MAGI1: variants seen among roughly 807,000 people sequenced by gnomAD.
MAGI1 encodes membrane associated guanylate kinase, WW and PDZ domain containing 1.
Under a neutral mutation model 139.9 loss-of-function variants are expected in MAGI1, and 58 were observed. That is an observed-to-expected ratio of 0.41 (90% CI 0.34 to 0.52). MAGI1 has a LOEUF of 0.52. Ranked by LOEUF, MAGI1 falls within the 20% of genes least tolerant of loss-of-function variation. The pLI, the probability that MAGI1 is intolerant of heterozygous loss-of-function variation, is 0.12. For missense variants in MAGI1, 1,874 were observed against 1,901.6 expected (o/e 0.99, Z 0.27); for synonymous variants, 812 against 737.9 (o/e 1.10, Z -1.63).
intron 1 of MAGI1, among the ~76,000 whole-genome samples, chr3:65,662,108 T>C (rs1168086293): frequency 6.8e-6 from 1 of 148,044 alleles, no homozygotes; most frequent in Non-Finnish European, 1.5e-5. Context: ...CCAAGAACTT[T>C]CACAAGTTCA....
intron 1 of MAGI1, among the ~76,000 whole-genome samples, chr3:66,013,182 T>C (rs578037343): frequency 6.6e-6 from 1 of 151,994 alleles, no homozygotes. Flanking sequence ...GGCGGGTGGA[T>C]TACCTGAGGT....
chr3:65,830,207 C>T (rs1033834179), intron 1 of MAGI1, among the ~76,000 whole-genome samples: 23 of 152,026 alleles, frequency 1.5e-4, no homozygotes, highest in African/African-American at 5.6e-4. Flanking sequence ...CTGTTTGAGG[C>T]ATCGCAGTTG....
Position 65,941,346 on chromosome 3 carries a change from C to CA in MAGI1, c.313+96649dup, listed in dbSNP as rs571392999. ...TAGGTGACACAGCAAGACTCCGTCT[C>CA]AAAAAAAAAAAAAGAATTATATTGC... On this transcript the variant is annotated intron_variant, in intron 1 of 22. Transcript: ENST00000402939. Among the ~76,000 whole-genome samples the CA allele has an allele frequency of 6.4e-3, 834 of 130,512 alleles. 8 individuals are homozygous for CA. Among genetic ancestry groups the CA allele is most frequent in the South Asian group, 6.3e-3 (25 of 3,994 alleles). The allele number at this position is 130,512 out of a possible 152,430, so 85.6% of individuals were successfully genotyped here.
At chr3:65,739,363 AC>A (rs1253750497) in intron 1 of MAGI1, among the ~76,000 whole-genome samples, 1 of 152,178 alleles carries the variant, frequency 6.6e-6, no homozygotes, top group Non-Finnish European at 1.5e-5. Context: ...GAAATGTTGT[AC>A]CTGGTTTAAT....
At chr3:65,541,673 A>C (rs2079232013) in intron 2 of MAGI1, among the ~76,000 whole-genome samples, 1 of 152,214 alleles carries the variant, frequency 6.6e-6, no homozygotes, top group Admixed American at 6.5e-5. Flanking sequence ...CAAAAACCAC[A>C]TGATTATCTC....
chr3:65,546,377 A>C (rs2079509846), intron 2 of MAGI1, among the ~76,000 whole-genome samples: 1 of 152,214 alleles, frequency 6.6e-6, no homozygotes, highest in Non-Finnish European at 1.5e-5. Flanking sequence ...ACATGCTACA[A>C]TGTACAGTCC....
At chr3:65,935,365 T>C (rs1056474033) in intron 1 of MAGI1, among the ~76,000 whole-genome samples, 1 of 152,014 alleles carries the variant, frequency 6.6e-6, no homozygotes, top group Non-Finnish European at 1.5e-5. Context: ...CATCAAGAGG[T>C]AGAGGTCAGG....
intron 1 of MAGI1, among the ~76,000 whole-genome samples, chr3:65,856,367 C>T (rs1394722087): frequency 6.6e-6 from 1 of 152,210 alleles, no homozygotes; most frequent in African/African-American, 2.4e-5. Flanking sequence ...CCTCCCACAA[C>T]CCTGTAACAT....
At chr3:65,825,907 G>C (rs1056079270) in intron 1 of MAGI1, among the ~76,000 whole-genome samples, 1 of 152,144 alleles carries the variant, frequency 6.6e-6, no homozygotes, top group African/African-American at 2.4e-5. Context: ...AGAATTGCTT[G>C]AACCCGGGAG....
chr3:65,848,084 G>A (rs1420155698), intron 1 of MAGI1, among the ~76,000 whole-genome samples: 1 of 152,142 alleles, frequency 6.6e-6, no homozygotes, highest in African/African-American at 2.4e-5. Context: ...GAGAATAAGA[G>A]TTACCCAAAG....
At chr3:65,845,969 C>T (rs1381331709) in intron 1 of MAGI1, among the ~76,000 whole-genome samples, 1 of 152,220 alleles carries the variant, frequency 6.6e-6, no homozygotes, top group Non-Finnish European at 1.5e-5. Context: ...AGCAGGTAGA[C>T]AGCCGGGCTA....
intron 1 of MAGI1, among the ~76,000 whole-genome samples, chr3:65,908,226 G>A (rs914700379): frequency 4.6e-5 from 7 of 151,902 alleles, no homozygotes; most frequent in Non-Finnish European, 7.4e-5. Flanking sequence ...AAATGTCTAC[G>A]AAACAACAAA....
At chr3:65,560,514 A>C (rs912276640) in intron 2 of MAGI1, among the ~76,000 whole-genome samples, 1 of 152,214 alleles carries the variant, frequency 6.6e-6, no homozygotes, top group African/African-American at 2.4e-5. Context: ...AGAAACTATA[A>C]CTGCTAGAAC....
chr3:65,622,380 T>C (rs1418650605), intron 1 of MAGI1, among the ~76,000 whole-genome samples: 2 of 152,198 alleles, frequency 1.3e-5, no homozygotes, highest in African/African-American at 2.4e-5. Context: ...ATATGTGCCA[T>C]AGACACTTGC....
chr3:65,700,590 C>T (rs899638076), intron 1 of MAGI1, among the ~76,000 whole-genome samples: 4 of 152,124 alleles, frequency 2.6e-5, no homozygotes, highest in African/African-American at 7.2e-5. Flanking sequence ...GCTTTGTATT[C>T]CATGGCTGCC....
At chr3:65,774,798 G>C (rs1026953373) in intron 1 of MAGI1, among the ~76,000 whole-genome samples, 1 of 152,170 alleles carries the variant, frequency 6.6e-6, no homozygotes, top group African/African-American at 2.4e-5. Flanking sequence ...CCTATGTTCT[G>C]TGCCTAACAA....
At chr3:65,481,417 T>G (rs1951279533) in intron 3 of MAGI1, among the ~76,000 whole-genome samples, 1 of 152,242 alleles carries the variant, frequency 6.6e-6, no homozygotes, top group Admixed American at 6.5e-5. Context: ...TGAAGACTCT[T>G]TAGTGAAGTT....
rs34210198 is a variant in MAGI1, at chr3:65,357,273, C to CT, written c.3635-142dup. ...CAGTCAGACTCAAAGCCAACTGAAT[C>CT]TGTTAACTTAAGGATAACTGCACGT... is the stretch of plus-strand genomic sequence containing the variant. On this transcript the variant is annotated intron_variant, in intron 22 of 22. Coordinates refer to ENST00000402939, the MANE Select transcript of MAGI1 (RefSeq NM_001033057.2). The CT allele has an allele frequency of 0.012, 9,830 of 849,164 alleles. 660 individuals carry two copies. The African/African-American group carries it at 0.14, about 13-fold the overall frequency. 52.6% of individuals were successfully genotyped at this position (849,164 alleles called of 1,614,324 possible). A position where few individuals can be genotyped will look rare whatever the true frequency, so the allele number is the denominator to read the frequency against.
chr3:65,426,470 T>G (rs187916929), intron 12 of MAGI1, among the ~76,000 whole-genome samples: 5 of 152,302 alleles, frequency 3.3e-5, no homozygotes, highest in South Asian at 2.1e-4. Flanking sequence ...CTTTAAAGCA[T>G]AGAAAGCCAC....
Sources: allele counts gnomAD v4.1 joint callset (sites outside exome capture counted in the v4.1 genomes callset), GRCh38; gene constraint gnomAD v4.1.1; transcripts MANE v1.5; gene names NCBI Gene and HGNC (gene_info 2026-07-23, HGNC 2026-07-21).